Variants in CLASP1 observed in about 807,000 individuals in gnomAD.
The protein encoded by CLASP1 is cytoplasmic linker associated protein 1, also known as CLIP-associating protein 1.
A neutral mutation model predicts 192.3 loss-of-function variants in CLASP1; 38 were observed. The observed-to-expected ratio is 0.20, with a 90% CI of 0.15 to 0.26. The LOEUF is 0.26. Among genes scored for constraint, CLASP1 ranks in the 10% least tolerant of loss-of-function variants. CLASP1 has a pLI of 1.00. For synonymous variants in CLASP1, 691 were observed against 712.8 expected, an observed-to-expected ratio of 0.97 and a Z score of 0.49; for missense variants, 1,433 against 1,932.5, an observed-to-expected ratio of 0.74 and a Z score of 4.85.
chr2:121,347,438 G>A (rs1359997445), intron 38 of CLASP1, among the ~76,000 whole-genome samples: 1 of 152,196 alleles, frequency 6.6e-6, no homozygotes, highest in African/African-American at 2.4e-5. Context: ...GTAACAAGCT[G>A]CCACCCAAGA....
At chr2:121,531,199 GATC>G (rs899969971) in intron 2 of CLASP1, among the ~76,000 whole-genome samples, 6 of 152,128 alleles carry the variant, frequency 3.9e-5, no homozygotes, top group Non-Finnish European at 7.3e-5. Flanking sequence ...ACTTTACGCC[GATC>G]ATCAACTGTT....
chr2:121,501,566 T>C (rs1390215719), intron 8 of CLASP1, among the ~76,000 whole-genome samples: 1 of 152,218 alleles, frequency 6.6e-6, no homozygotes, highest in Non-Finnish European at 1.5e-5. Context: ...AATAGCTGAA[T>C]TATGATATCA....
intron 1 of CLASP1, among the ~76,000 whole-genome samples, chr2:121,625,493 G>A (rs1339909008): frequency 1.4e-5 from 2 of 142,500 alleles, no homozygotes; most frequent in African/African-American, 5.3e-5. Flanking sequence ...GGAGTGCAGT[G>A]GCACAATCTC....
chr2:121,367,636 C>A (rs758961971), exon 35 of CLASP1: 16 of 1,613,900 alleles, frequency 9.9e-6, no homozygotes, highest in Non-Finnish European at 1.3e-5. Context: ...TCTTTCAGGG[C>A]GGTCTTGTCG....
chr2:121,527,730 A>T, intron 5 of CLASP1, 69 bp downstream of exon 5: 3 of 1,206,500 alleles, frequency 2.5e-6, no homozygotes, highest in South Asian at 2.6e-5. Flanking sequence ...GTAAATCTAT[A>T]ATTATTTCAA....
intron 39 of CLASP1, among the ~76,000 whole-genome samples, chr2:121,341,277 C>T (rs2062746987): frequency 6.6e-6 from 1 of 152,182 alleles, no homozygotes; most frequent in African/African-American, 2.4e-5. Flanking sequence ...TCATCTCAAG[C>T]ACGACTGCAG....
At chr2:121,404,562 G>A in intron 25 of CLASP1, 128 bp from the exon 27 acceptor site, 2 of 832,554 alleles carry the variant, frequency 2.4e-6, no homozygotes, top group South Asian at 1.7e-5. Context: ...GATCTCCCAA[G>A]CTCAAGTGAT....
intron 35 of CLASP1, among the ~76,000 whole-genome samples, chr2:121,366,120 T>G (rs1203628410): frequency 1.3e-5 from 2 of 152,244 alleles, no homozygotes; most frequent in Non-Finnish European, 2.9e-5. Context: ...AACTCTGTCA[T>G]TTCCTCCTGC....
intron 7 of CLASP1, among the ~76,000 whole-genome samples, chr2:121,507,607 A>G (rs1575542202): frequency 6.6e-6 from 1 of 152,224 alleles, no homozygotes; most frequent in Non-Finnish European, 1.5e-5. Context: ...ATTATCAAAA[A>G]AAGATATATG....
chr2:121,644,478 C>T (rs1393303793), intron 1 of CLASP1, among the ~76,000 whole-genome samples: 2 of 152,062 alleles, frequency 1.3e-5, no homozygotes, highest in Admixed American at 6.5e-5. Context: ...TGGTAAAACC[C>T]CGTCTCTACT....
intron 32 of CLASP1, among the ~76,000 whole-genome samples, chr2:121,386,902 G>A (rs1013040834): frequency 2.6e-5 from 4 of 152,144 alleles, no homozygotes; most frequent in African/African-American, 9.7e-5. Flanking sequence ...CTACAAGAAC[G>A]AGAGAACATT....
chr2:121,452,499 TTC>T (rs2149808145), intron 14 of CLASP1, among the ~76,000 whole-genome samples: 1 of 152,296 alleles, frequency 6.6e-6, no homozygotes, highest in East Asian at 1.9e-4. Context: ...CTACAAAATT[TTC>T]TTTTTCTGGC....
chr2:121,554,951 A>C (rs1257185392), intron 2 of CLASP1, among the ~76,000 whole-genome samples: 1 of 151,946 alleles, frequency 6.6e-6, no homozygotes, highest in Non-Finnish European at 1.5e-5. Context: ...TGACTGAATC[A>C]TGCACAGAAG....
At chr2:121,399,100 A>C (rs1421883012) in intron 28 of CLASP1, among the ~76,000 whole-genome samples, 2 of 152,262 alleles carry the variant, frequency 1.3e-5, no homozygotes, top group Admixed American at 1.3e-4. Flanking sequence ...GCAAATATCT[A>C]CACTGCTTTC....
At chr2:121,610,081 T>C (rs2065013023) in intron 1 of CLASP1, among the ~76,000 whole-genome samples, 1 of 152,180 alleles carries the variant, frequency 6.6e-6, no homozygotes, top group African/African-American at 2.4e-5. Context: ...CATTTGCAAT[T>C]AAATCATAAA....
chr2:121,570,892 C>T lies in CLASP1; in HGVS notation c.195+34809G>A, dbSNP rs141325735. On this transcript the variant is annotated intron_variant, in intron 2 of 39. Transcript: ENST00000263710. ...TGATTCCCAGGTGTCCCCTCCCACT[C>T]GCTTACCCCTCCCCACTTCATTCTC... Among the ~76,000 whole-genome samples the T allele has an allele frequency of 3.9e-5, 6 of 152,192 alleles. No individual in the cohort carries two copies. The East Asian group carries it at 9.7e-4, about 25-fold the overall frequency.
At chr2:121,513,342 T>C (rs1253859584) in intron 7 of CLASP1, among the ~76,000 whole-genome samples, 1 of 152,164 alleles carries the variant, frequency 6.6e-6, no homozygotes, top group African/African-American at 2.4e-5. Context: ...TTTTGGAGAA[T>C]TTGTAGGAGG....
intron 23 of CLASP1, among the ~76,000 whole-genome samples, 161 bp downstream of exon 24, chr2:121,413,980 T>A (rs1244692663): frequency 6.6e-6 from 1 of 152,126 alleles, no homozygotes; most frequent in Non-Finnish European, 1.5e-5. Context: ...TTAACAGAAC[T>A]ATAAACATTC....
intron 1 of CLASP1, among the ~76,000 whole-genome samples, chr2:121,644,466 C>T (rs2072754118): frequency 6.6e-6 from 1 of 152,054 alleles, no homozygotes; most frequent in South Asian, 2.1e-4. Context: ...CCTGGCCCAA[C>T]ATGGTAAAAC....
Sources: allele counts gnomAD v4.1 joint callset (sites outside exome capture counted in the v4.1 genomes callset), GRCh38; gene constraint gnomAD v4.1.1; transcripts MANE v1.5; gene names NCBI Gene and HGNC (gene_info 2026-07-23, HGNC 2026-07-21).